The following KCNQ3 variants were observed in gnomAD, a reference collection of about 807,000 sequenced individuals.
KCNQ3 encodes potassium voltage-gated channel subfamily KQT member 3.
KCNQ3 carries 30 observed loss-of-function variants against 92.5 expected under a neutral mutation model. The ratio of observed to expected loss-of-function variants is 0.32; its 90% CI spans 0.24 to 0.44. The LOEUF (loss-of-function observed/expected upper bound fraction) is 0.44, where lower values mean the gene tolerates loss of function less well. Ranked by LOEUF, KCNQ3 falls within the 20% of genes least tolerant of loss-of-function variation. The probability of loss-of-function intolerance (pLI) is 1.00; values close to 1 mark genes in which losing one functional copy is unlikely to be tolerated. For missense variants in KCNQ3, 913 were observed against 1,140.3 expected, an observed-to-expected ratio of 0.80 and a Z score of 2.87; for synonymous variants, 450 against 468.8, an observed-to-expected ratio of 0.96 and a Z score of 0.52.
chr8:132,137,894 A>G lies in KCNQ3; in HGVS notation c.1691T>C (p.Leu564Pro). ...HLDMLSRIKY[L>P]QTRIDMIFTP... ...GATGTGACTGTCTCACCTCGTCTGA[A>G]GGTACTTTATCCTGGAAAGCATGTC... is the stretch of plus-strand genomic sequence containing the variant. Residue 564 changes from leucine to proline, a missense_variant, in exon 12 of 15, where the codon CTT (leucine) becomes CCT (proline). Physicochemically the swap from Leu to Pro is moderately conservative, Grantham distance 98. Coordinates refer to ENST00000388996, the MANE Select transcript of KCNQ3 (RefSeq NM_004519.4). 1 of 1,614,076 alleles carries G rather than the reference A, an allele frequency of 6.2e-7. No individual in the cohort carries two copies. Among genetic ancestry groups the G allele is most frequent in the Non-Finnish European group, 8.5e-7 (1 of 1,180,006 alleles).
At chr8:132,270,498 C>G (rs1202639807) in intron 1 of KCNQ3, among the ~76,000 whole-genome samples, 2 of 152,232 alleles carry the variant, frequency 1.3e-5, no homozygotes, top group African/African-American at 2.4e-5. Context: ...CTTTGATCCT[C>G]TTTGCGCCTC....
At chr8:132,266,523 C>T (rs1815986691) in intron 1 of KCNQ3, among the ~76,000 whole-genome samples, 1 of 152,156 alleles carries the variant, frequency 6.6e-6, no homozygotes, top group South Asian at 2.1e-4. Context: ...CTAATCCCAG[C>T]CTGCCTTGCA....
At chr8:132,402,651 T>C (rs967097279) in intron 1 of KCNQ3, among the ~76,000 whole-genome samples, 1 of 152,176 alleles carries the variant, frequency 6.6e-6, no homozygotes, top group African/African-American at 2.4e-5. Flanking sequence ...TATGACATTA[T>C]TCATTTGGCA....
chr8:132,317,170 A>G (rs1003120975), intron 1 of KCNQ3, among the ~76,000 whole-genome samples: 1 of 152,194 alleles, frequency 6.6e-6, no homozygotes, highest in African/African-American at 2.4e-5. Context: ...TCTCTGACCT[A>G]TTGTAACTGT....
chr8:132,215,013 C>T (rs936914729), intron 1 of KCNQ3, among the ~76,000 whole-genome samples: 2 of 152,236 alleles, frequency 1.3e-5, no homozygotes, highest in Non-Finnish European at 2.9e-5. Flanking sequence ...TTCCAAATGT[C>T]ACCTTGTAAA....
At chr8:132,159,317 G>A (rs1172892285) in intron 9 of KCNQ3, among the ~76,000 whole-genome samples, 1 of 152,110 alleles carries the variant, frequency 6.6e-6, no homozygotes, top group Non-Finnish European at 1.5e-5. Flanking sequence ...AGGAAAAAAG[G>A]GCCCTATTCT....
At position 132,480,866 on chromosome 8, in the gene KCNQ3, G is replaced by C. The variant is rs1015954046; in HGVS notation, c.-334C>G. On this transcript the variant is annotated 5_prime_UTR_variant, in exon 1 of 15. Transcript: ENST00000388996. ...GCGCGGCGGCGGGAGCCTGGAACCG[G>C]CGCTCCGGGGCGGCGGCGGCGGCGG... is the stretch of plus-strand genomic sequence containing the variant. 6.4e-6 allele frequency: 1 copy of C among 156,936 alleles called. No homozygotes were observed. The highest frequency in any genetic ancestry group is 1.4e-5 in the Non-Finnish European group (1 of 72,864). The allele number at this position is 156,936 out of a possible 1,614,324, so 9.7% of individuals were successfully genotyped here.
chr8:132,471,094 G>T (rs1822289805), intron 1 of KCNQ3, among the ~76,000 whole-genome samples: 1 of 152,116 alleles, frequency 6.6e-6, no homozygotes, highest in Non-Finnish European at 1.5e-5. Flanking sequence ...GCATGCCAAG[G>T]TTTGAGAGGC....
At chr8:132,454,582 C>T (rs541029625) in intron 1 of KCNQ3, among the ~76,000 whole-genome samples, 1 of 152,196 alleles carries the variant, frequency 6.6e-6, no homozygotes, top group South Asian at 2.1e-4. Context: ...GAAAGAACTG[C>T]CCAAAGTAAT....
intron 9 of KCNQ3, among the ~76,000 whole-genome samples, chr8:132,159,874 CATCT>C (rs1330308328): frequency 6.6e-6 from 1 of 152,174 alleles, no homozygotes; most frequent in Non-Finnish European, 1.5e-5. Context: ...TCCATCCATC[CATCT>C]ATCCATTCAT....
intron 1 of KCNQ3, among the ~76,000 whole-genome samples, chr8:132,230,234 G>T (rs1030460553): frequency 2.0e-5 from 3 of 152,122 alleles, no homozygotes; most frequent in South Asian, 2.1e-4. Context: ...CCTGGAAGCT[G>T]CAAAGTCCTC....
intron 1 of KCNQ3, among the ~76,000 whole-genome samples, chr8:132,302,052 C>A (rs1817231760): frequency 6.6e-6 from 1 of 152,100 alleles, no homozygotes; most frequent in African/African-American, 2.4e-5. Context: ...GAAGACCAGT[C>A]CAGGTTTAAC....
intron 1 of KCNQ3, among the ~76,000 whole-genome samples, chr8:132,331,758 C>T (rs1427119177): frequency 6.6e-6 from 1 of 152,018 alleles, no homozygotes; most frequent in African/African-American, 2.4e-5. Flanking sequence ...AATATTATAC[C>T]CATTGCTGCT....
intron 3 of KCNQ3, among the ~76,000 whole-genome samples, chr8:132,182,986 G>A (rs940896299): frequency 6.6e-6 from 1 of 152,052 alleles, no homozygotes; most frequent in African/African-American, 2.4e-5. Flanking sequence ...AGCATCAGGT[G>A]GGAATAGGGC....
intron 1 of KCNQ3, among the ~76,000 whole-genome samples, chr8:132,399,712 C>T (rs1163416487): frequency 6.6e-6 from 1 of 152,144 alleles, no homozygotes. Context: ...TGTTCTTACT[C>T]GATGGTGAGA....
chr8:132,448,769 G>C (rs1274335037), intron 1 of KCNQ3, among the ~76,000 whole-genome samples: 1 of 152,198 alleles, frequency 6.6e-6, no homozygotes, highest in Non-Finnish European at 1.5e-5. Flanking sequence ...TGGGTTGATG[G>C]ACTTAAATTT....
At chr8:132,257,354 T>A (rs1380660237) in intron 1 of KCNQ3, among the ~76,000 whole-genome samples, 1 of 151,980 alleles carries the variant, frequency 6.6e-6, no homozygotes. Flanking sequence ...AGAAAACAAA[T>A]AGCAAAAAGA....
chr8:132,189,197 T>C (rs1024346013), intron 1 of KCNQ3, among the ~76,000 whole-genome samples: 5 of 152,176 alleles, frequency 3.3e-5, no homozygotes, highest in Admixed American at 6.5e-5. Flanking sequence ...GTCCCCATCA[T>C]TAACCTGCTA....
In KCNQ3 at chr8:132,439,971, C is replaced by T. The variant is rs556604225; in HGVS notation, c.386+40176G>A. 1.4e-4 allele frequency among the ~76,000 whole-genome samples: 21 copies of T among 152,312 alleles called. No individual in the cohort carries two copies. In the South Asian group the frequency reaches 4.1e-3, roughly 30 times the overall value. ...GGACCTCCTGAGGATATCACAATCC[C>T]AGATGCTCAATCCTTAATACAAAGT... is the stretch of plus-strand genomic sequence containing the variant. On this transcript the variant is annotated intron_variant, in intron 1 of 14. Coordinates refer to ENST00000388996, the MANE Select transcript of KCNQ3 (RefSeq NM_004519.4).
Sources: allele counts gnomAD v4.1 joint callset (sites outside exome capture counted in the v4.1 genomes callset), GRCh38; gene constraint gnomAD v4.1.1; transcripts MANE v1.5; gene names NCBI Gene and HGNC (gene_info 2026-07-23, HGNC 2026-07-21).